The following TRIM65 variants were observed in gnomAD, a reference collection of about 807,000 sequenced individuals.
The protein encoded by TRIM65 is E3 ubiquitin-protein ligase TRIM65.
A neutral mutation model predicts 36.1 loss-of-function variants in TRIM65; 46 were observed. The ratio of observed to expected loss-of-function variants is 1.27; its 90% confidence interval spans 1.01 to 1.63. The LOEUF (loss-of-function observed/expected upper bound fraction) is 1.63. TRIM65 is among the 40% of genes most tolerant of loss of function. The pLI is 0.00. For synonymous variants in TRIM65, 346 were observed against 313.6 expected (o/e 1.10, Z -1.09); for missense variants, 708 against 696.6 (o/e 1.02, Z -0.18).
intron 4 of TRIM65, 58 bp downstream of exon 4, chr17:75,891,953 C>A (rs368279203): frequency 7.7e-6 from 12 of 1,561,198 alleles, no homozygotes; most frequent in African/African-American, 1.4e-5. Flanking sequence ...CTCCACCCCC[C>A]CAGCGGGAGG....
Position 75,891,308 on chromosome 17 carries a change from C to T in TRIM65, c.1025G>A (p.Arg342His), listed in dbSNP as rs200651117. ...GTCCTGGCGCGACAGATAGAAGTGA[C>T]GGTTGGCGCTGACTGGATCAAAGGT... ...NLTFDPVSAN[R>H]HFYLSRQDQQ... is the part of the protein sequence containing the mutation. The change falls in exon 6 of 6, where the codon CGT (arginine) becomes CAT (histidine). Residue 342 changes from arginine to histidine, a missense_variant. Arg to His is a conservative substitution (Grantham distance 29). Transcript: ENST00000269383. 39 of 1,613,112 alleles carry T rather than the reference C, an allele frequency of 2.4e-5. No homozygotes were observed. The highest frequency in any genetic ancestry group is 6.7e-5 in the African/African-American group (5 of 74,920).
intron 1 of TRIM65, among the ~76,000 whole-genome samples, chr17:75,895,311 G>A (rs2065330601): frequency 2.0e-5 from 3 of 151,952 alleles, no homozygotes; most frequent in Admixed American, 6.6e-5. Context: ...TACCCGATTC[G>A]GGTCTTACAT....
Position 75,896,577 on chromosome 17 carries a change from C to G in TRIM65, c.361G>C (p.Glu121Gln). The change falls in exon 1 of 6, where the codon GAG (glutamate) becomes CAG (glutamine). Residue 121 changes from glutamate to glutamine, a missense_variant. Coordinates refer to ENST00000269383, the MANE Select transcript of TRIM65 (RefSeq NM_173547.4). ...AGCGCCCGCTCGTGGAGGCGACACT[C>G]GCGCACGGTGCACACGCTGCACACA... ...RCVCSVCTVR[E>Q]CRLHERALLD... The G allele has an allele frequency of 7.3e-7, 1 of 1,362,134 alleles. No individual in the cohort carries two copies. The highest frequency in any genetic ancestry group is 9.4e-7 in the Non-Finnish European group (1 of 1,059,318). The allele number at this position is 1,362,134 out of a possible 1,614,324, so 84.4% of individuals were successfully genotyped here.
chr17:75,895,942 T>C (rs1167825198), intron 1 of TRIM65, among the ~76,000 whole-genome samples: 1 of 152,236 alleles, frequency 6.6e-6, no homozygotes, highest in Non-Finnish European at 1.5e-5. Context: ...AGCAGGGAGC[T>C]GCTGCCTCAC....
At position 75,890,883 on chromosome 17, in the gene TRIM65, GC is replaced by G; in HGVS notation, c.1449del (p.Gln483HisfsTer15). The G allele has an allele frequency of 6.5e-7, 1 of 1,532,008 alleles. No individual in the cohort carries two copies. The highest frequency in any genetic ancestry group is 8.7e-7 in the Non-Finnish European group (1 of 1,142,912). 94.9% of individuals were successfully genotyped at this position (1,532,008 alleles called of 1,614,324 possible). The part of the protein sequence containing the change: ...PLYTFHALFN[Q>X]PLTPVFWLLE... ...AGGAGCCAGAAGACGGGGGTGAGGGGCTGGTTGAAGAGGGCATGGAAGGTGT... is the reference window on the plus strand; with the variant it reads ...AGGAGCCAGAAGACGGGGGTGAGGGGTGGTTGAAGAGGGCATGGAAGGTGT... On this transcript the variant is annotated frameshift_variant, in exon 6 of 6. Transcript: ENST00000269383. LOFTEE classifies it high-confidence loss of function.
rs375705367 is a variant in TRIM65 at position 75,894,981 on chromosome 17, C to T, written c.414+1543G>A. 2.6e-5 allele frequency among the ~76,000 whole-genome samples: 4 copies of T among 152,352 alleles called. No individual in the cohort carries two copies. The East Asian group carries it at 5.8e-4, about 22-fold the overall frequency. On this transcript the variant is annotated intron_variant, in intron 1 of 5. Coordinates refer to ENST00000269383, the MANE Select transcript of TRIM65 (RefSeq NM_173547.4). ...GCAGCTGCCCGGGGCGGGGTCAGCG[C>T]GCGGCAGGGCTGGGGCCAGGGTCCC...
chr17:75,894,824 C>T (rs898959345), intron 1 of TRIM65, among the ~76,000 whole-genome samples: 5 of 152,250 alleles, frequency 3.3e-5, no homozygotes, highest in South Asian at 2.1e-4. Flanking sequence ...CCACTGCACC[C>T]GGTGGTGGCC....
Position 75,890,918 on chromosome 17 carries a change from TG to T in TRIM65, c.1414del (p.Gln472SerfsTer26). The T allele has an allele frequency of 6.4e-7, 1 of 1,550,628 alleles. No individual in the cohort carries two copies. The highest frequency in any genetic ancestry group is 8.7e-7 in the Non-Finnish European group (1 of 1,148,190). On this transcript the variant is annotated frameshift_variant, in exon 6 of 6. Coordinates refer to ENST00000269383, the MANE Select transcript of TRIM65 (RefSeq NM_173547.4). LOFTEE classifies it low-confidence loss of function (END_TRUNC). Reference protein sequence around the residue: ...LTFYSLEPQTQPLYTFHALFN... With the variant: ...LTFYSLEPQTXPLYTFHALFN... ...GAGGGCATGGAAGGTGTACAGGGGC[TG>T]GGTCTGGGGCTCCAGGCTGTAGAAG...
At chr17:75,880,321 G>A (rs1417369981), downstream of TRIM65, 2 of 145,740 alleles carry the variant, frequency 1.4e-5, no homozygotes, top group African/African-American at 5.4e-5. Context: ...CTCTGTGTCT[G>A]TGTTCAAATG....
intron 4 of TRIM65, among the ~76,000 whole-genome samples, chr17:75,881,971 G>A (rs115351748): frequency 0.013 from 1,898 of 150,374 alleles, 174 homozygotes; most frequent in African/African-American, 0.041. Context: ...CCCCAGGAGC[G>A]GTTGGGAGGC....
downstream of TRIM65, among the ~76,000 whole-genome samples, chr17:75,885,056 C>G (rs1343496353): frequency 6.6e-6 from 1 of 151,754 alleles, no homozygotes; most frequent in Admixed American, 6.6e-5. Flanking sequence ...TCTGCCTCAG[C>G]CTCAGCTGGG....
chr17:75,884,167 A>T (rs541963851), downstream of TRIM65, among the ~76,000 whole-genome samples: 1 of 151,914 alleles, frequency 6.6e-6, no homozygotes, highest in African/African-American at 2.4e-5. Flanking sequence ...ATAGATAGTA[A>T]ACAATTTAGG....
rs1204022090 is a variant in TRIM65 at position 75,889,400 on chromosome 17, A to G, written c.*1379T>C. On this transcript the variant is annotated 3_prime_UTR_variant, in exon 6 of 6. Coordinates refer to ENST00000269383, the MANE Select transcript of TRIM65 (RefSeq NM_173547.4). ...CACCTCCCAGAACAAGAAGTGGAACATTTCAAGTAAAAAAAATTACACCTG... is the reference window on the plus strand; with the variant it reads ...CACCTCCCAGAACAAGAAGTGGAACGTTTCAAGTAAAAAAAATTACACCTG... 1 of 152,198 alleles carries G rather than the reference A, an allele frequency of 6.6e-6. No individual in the cohort carries two copies. The highest frequency in any genetic ancestry group is 1.5e-5 in the Non-Finnish European group (1 of 68,042). The allele number at this position is 152,198 out of a possible 1,614,324, so 9.4% of individuals were successfully genotyped here. A position where few individuals can be genotyped will look rare whatever the true frequency, so the allele number is the denominator to read the frequency against.
chr17:75,887,152 CTTA>C (rs1319421315), downstream of TRIM65, among the ~76,000 whole-genome samples: 2 of 29,576 alleles, frequency 6.8e-5, no homozygotes, highest in Non-Finnish European at 1.3e-4. Flanking sequence ...GGCCCCATCT[CTTA>C]AAAAAAAAAA....
downstream of TRIM65, chr17:75,888,953 A>G (rs1440987082): frequency 6.6e-6 from 1 of 151,792 alleles, no homozygotes; most frequent in African/African-American, 2.4e-5. Context: ...TATGTATATT[A>G]CACGTATTAT....
chr17:75,885,622 G>C (rs2065201454), downstream of TRIM65, among the ~76,000 whole-genome samples: 1 of 152,200 alleles, frequency 6.6e-6, no homozygotes, highest in Non-Finnish European at 1.5e-5. Flanking sequence ...CCGTTTCCTG[G>C]ATCCCAGACC....
chr17:75,884,356 G>A (rs2065190767), downstream of TRIM65, among the ~76,000 whole-genome samples: 2 of 152,074 alleles, frequency 1.3e-5, no homozygotes. Context: ...CTACTCCGGA[G>A]GCTGAAGCAG....
chr17:75,884,753 G>A (rs1414679595), downstream of TRIM65, among the ~76,000 whole-genome samples: 5 of 152,024 alleles, frequency 3.3e-5, no homozygotes. Flanking sequence ...CAGGAAGCTG[G>A]GACCACAGGC....
chr17:75,885,904 C>T (rs2065203331), downstream of TRIM65, among the ~76,000 whole-genome samples: 1 of 152,314 alleles, frequency 6.6e-6, no homozygotes, highest in South Asian at 2.1e-4. Flanking sequence ...AAAGGCACAT[C>T]CCCTTGTTCT....
Sources: allele counts gnomAD v4.1 joint callset (sites outside exome capture counted in the v4.1 genomes callset), GRCh38; gene constraint gnomAD v4.1.1; transcripts MANE v1.5; gene names NCBI Gene and HGNC (gene_info 2026-07-23, HGNC 2026-07-21).